SCN4B: variants seen among roughly 807,000 people sequenced by gnomAD.
SCN4B encodes the protein sodium channel regulatory subunit beta-4.
SCN4B carries 20 observed loss-of-function variants against 19.6 expected under a neutral mutation model. The ratio of observed to expected loss-of-function variants is 1.02; its 90% CI spans 0.72 to 1.48. The LOEUF (loss-of-function observed/expected upper bound fraction) is 1.48. SCN4B is among the 40% of genes most tolerant of loss of function. The pLI is 0.00. For synonymous variants in SCN4B, 127 were observed against 122.8 expected, an observed-to-expected ratio of 1.03 and a Z score of -0.22; for missense variants, 271 against 287.5, an observed-to-expected ratio of 0.94 and a Z score of 0.42.
intron 2 of SCN4B, 23 bp downstream of exon 2, chr11:118,145,034 C>T (rs763673380): frequency 1.9e-6 from 3 of 1,612,424 alleles, no homozygotes; most frequent in African/African-American, 2.7e-5. Flanking sequence ...CTGGGCTGTA[C>T]TGTTCTTCCT....
In SCN4B at chr11:118,135,165, GC is replaced by G. The variant is rs1565451668; in HGVS notation, c.*1861del. On this transcript the variant is annotated 3_prime_UTR_variant, in exon 5 of 5. Transcript: ENST00000324727. The stretch of plus-strand genomic sequence containing the variant: ...TGCTCCCAAAGCCAGGAAAATCTGA[GC>G]CCCAGCCCATGACAGGTTCTGGGTA... 2.2e-6 allele frequency: 1 copy of G among 454,132 alleles called. No individual in the cohort carries two copies. The highest frequency in any genetic ancestry group is 4.4e-6 in the Non-Finnish European group (1 of 226,796). 28.1% of individuals were successfully genotyped at this position (454,132 alleles called of 1,614,324 possible).
In SCN4B at chr11:118,133,522, G is replaced by C. The variant is rs1947946399; in HGVS notation, c.*3505C>G. 2.2e-6 allele frequency: 1 copy of C among 454,162 alleles called. No individual in the cohort carries two copies. Among genetic ancestry groups the C allele is most frequent in the Admixed American group, 2.3e-5 (1 of 42,558 alleles). 28.1% of individuals were successfully genotyped at this position (454,162 alleles called of 1,614,324 possible). A position where few individuals can be genotyped will look rare whatever the true frequency, so the allele number is the denominator to read the frequency against. ...GCTGTGTGGGCATCTGCGCCTCCCA[G>C]AGGCACTCGCACACCTGAGGCCTCC... is the stretch of plus-strand genomic sequence containing the variant. On this transcript the variant is annotated 3_prime_UTR_variant, in exon 5 of 5. Transcript: ENST00000324727.
Position 118,134,105 on chromosome 11 carries a change from T to C in SCN4B, c.*2922A>G, listed in dbSNP as rs1368451875. Reference sequence around the variant, plus strand: ...CACAAGAGCTCTGATCGGCCTGCCATATGTAGTCTGAGCCCCATCGGCTGC... The same window carrying C: ...CACAAGAGCTCTGATCGGCCTGCCACATGTAGTCTGAGCCCCATCGGCTGC... On this transcript the variant is annotated 3_prime_UTR_variant, in exon 5 of 5. Coordinates refer to ENST00000324727, the MANE Select transcript of SCN4B (RefSeq NM_174934.4). 1 of 454,428 alleles carries C rather than the reference T, an allele frequency of 2.2e-6. No homozygotes were observed. Among genetic ancestry groups the C allele is most frequent in the African/African-American group, 2.0e-5 (1 of 50,128 alleles). The allele number at this position is 454,428 out of a possible 1,614,324, so 28.1% of individuals were successfully genotyped here.
At chr11:118,143,557 G>T (rs1948127260) in intron 3 of SCN4B, among the ~76,000 whole-genome samples, 1 of 152,144 alleles carries the variant, frequency 6.6e-6, no homozygotes, top group African/African-American at 2.4e-5. Context: ...CTACCAGGTA[G>T]CTTCTCTAAC....
In SCN4B at chr11:118,141,295, C is replaced by T. The variant is rs149457565; in HGVS notation, c.505G>A (p.Val169Ile). Residue 169 changes from valine (V) to isoleucine (I), a missense_variant, in exon 4 of 5, where the codon GTC becomes ATC. Val to Ile is a conservative substitution (Grantham distance 29). Transcript: ENST00000324727. ...DNTVTLIILA[V>I]VGGVIGLLIL... The stretch of plus-strand genomic sequence containing the variant: ...AGGAGCCCGATGACCCCGCCCACGA[C>T]AGCCAGGATGATGAGTGTCACTGTG... 24 of 1,612,458 alleles carry T rather than the reference C, an allele frequency of 1.5e-5. No homozygotes were observed. The African/African-American group carries it at 2.7e-4, about 18-fold the overall frequency.
At position 118,144,176 on chromosome 11, in the gene SCN4B, A is replaced by T. The variant is rs78444823; in HGVS notation, c.235-115T>A. 4,350 of 745,952 alleles carry T rather than the reference A, an allele frequency of 5.8e-3. 138 individuals carry two copies. The African/African-American group carries it at 0.066, about 11-fold the overall frequency. The allele number at this position is 745,952 out of a possible 1,614,324, so 46.2% of individuals were successfully genotyped here. On this transcript the variant is annotated intron_variant, in intron 2 of 4. Transcript: ENST00000324727. The stretch of plus-strand genomic sequence containing the variant: ...GATGCCTCCCCTGTCCAGGACCAGG[A>T]AGAGCCTGTAGTCACGCCCTGCTCC...
intron 1 of SCN4B, among the ~76,000 whole-genome samples, chr11:118,146,303 C>G (rs927866203): frequency 6.6e-6 from 1 of 152,028 alleles, no homozygotes; most frequent in Non-Finnish European, 1.5e-5. Context: ...TCCCCGCCAC[C>G]CCGCCCCACA....
chr11:118,134,390 C>T lies in SCN4B; in HGVS notation c.*2637G>A. On this transcript the variant is annotated 3_prime_UTR_variant, in exon 5 of 5. Transcript: ENST00000324727. ...TCAGAGATTTGCATGCACTGAGGTT[C>T]CACTTGGGGAAGATAGCTTTGCCCA... 1 of 454,114 alleles carries T rather than the reference C, an allele frequency of 2.2e-6. No individual in the cohort carries two copies. Among genetic ancestry groups the T allele is most frequent in the Non-Finnish European group, 4.4e-6 (1 of 226,796 alleles). 28.1% of individuals were successfully genotyped at this position (454,114 alleles called of 1,614,324 possible). A position where few individuals can be genotyped will look rare whatever the true frequency, so the allele number is the denominator to read the frequency against.
At chr11:118,145,324 G>C (rs955917) in intron 1 of SCN4B, 95 bp from the exon 2 acceptor site, 6 of 1,579,384 alleles carry the variant, frequency 3.8e-6, no homozygotes, top group Non-Finnish European at 5.1e-6. Context: ...TGGCCAGGCA[G>C]GTAGGTCTCT....
rs866475702 is a variant in SCN4B, at chr11:118,134,954, G to C, written c.*2073C>G. 3.1e-5 allele frequency: 14 copies of C among 454,034 alleles called. No homozygotes were observed. In the Admixed American group the frequency reaches 3.3e-4, roughly 11 times the overall value. 28.1% of individuals were successfully genotyped at this position (454,034 alleles called of 1,614,324 possible). A position where few individuals can be genotyped will look rare whatever the true frequency, so the allele number is the denominator to read the frequency against. On this transcript the variant is annotated 3_prime_UTR_variant, in exon 5 of 5. Coordinates refer to ENST00000324727, the MANE Select transcript of SCN4B (RefSeq NM_174934.4). Reference sequence around the variant, plus strand: ...CTAGAAATCAGCAGTAGACCCTGGGGAGGAAAGAGAGGATGGTGCCCTTCT... The same window carrying C: ...CTAGAAATCAGCAGTAGACCCTGGGCAGGAAAGAGAGGATGGTGCCCTTCT...
At chr11:118,147,131 A>T (rs1231757993) in intron 1 of SCN4B, among the ~76,000 whole-genome samples, 1 of 152,190 alleles carries the variant, frequency 6.6e-6, no homozygotes, top group African/African-American at 2.4e-5. Flanking sequence ...GTGCGCAGGG[A>T]CCACACTTTG....
At chr11:118,141,844 C>T (rs900179166) in intron 3 of SCN4B, 1 of 170,262 alleles carries the variant, frequency 5.9e-6, no homozygotes, top group Non-Finnish European at 1.3e-5. Context: ...ATTGAACCCT[C>T]CTAGCCTCAG....
chr11:118,152,776 A>C lies in SCN4B; in HGVS notation c.-103T>G. The C allele has an allele frequency of 1.2e-6, 1 of 849,194 alleles. No individual in the cohort carries two copies. Among genetic ancestry groups the C allele is most frequent in the Non-Finnish European group, 1.7e-6 (1 of 571,856 alleles). 52.6% of individuals were successfully genotyped at this position (849,194 alleles called of 1,614,324 possible). Reference sequence around the variant, plus strand: ...GCGTTCGGCCACAAAGCTACCCCGGAGCTCTGCGCCGCCGGTCGGGGCTCG... The same window carrying C: ...GCGTTCGGCCACAAAGCTACCCCGGCGCTCTGCGCCGCCGGTCGGGGCTCG... On this transcript the variant is annotated 5_prime_UTR_variant, in exon 1 of 5. Transcript: ENST00000324727.
intron 3 of SCN4B, among the ~76,000 whole-genome samples, chr11:118,142,587 T>A (rs768190917): frequency 6.6e-6 from 1 of 152,190 alleles, no homozygotes; most frequent in South Asian, 2.1e-4. Flanking sequence ...GTAATCTCCA[T>A]AAAGGCAGGA....
At chr11:118,137,832 C>G (rs1175529428) in intron 4 of SCN4B, among the ~76,000 whole-genome samples, 1 of 152,138 alleles carries the variant, frequency 6.6e-6, no homozygotes. Flanking sequence ...ATGCTGAGGA[C>G]ACAGAGTCCC....
At chr11:118,145,406 A>C (rs893177234) in intron 1 of SCN4B, 177 bp from the exon 2 acceptor site, 45 of 1,524,840 alleles carry the variant, frequency 3.0e-5, no homozygotes, top group Middle Eastern at 2.3e-4. Context: ...ACCCTCCATC[A>C]TTCTCCATTT....
intron 4 of SCN4B, among the ~76,000 whole-genome samples, chr11:118,140,421 TA>T (rs1333099860): frequency 6.6e-6 from 1 of 152,172 alleles, no homozygotes; most frequent in Non-Finnish European, 1.5e-5. Context: ...TTTCAGCAAA[TA>T]GGGGCAGAGG....
In SCN4B at chr11:118,146,321, C is replaced by A. The variant is rs549420291; in HGVS notation, c.62-1092G>T. 9.9e-5 allele frequency among the ~76,000 whole-genome samples: 15 copies of A among 152,106 alleles called. No homozygotes were observed. The East Asian group carries it at 2.5e-3, about 26-fold the overall frequency. ...CCGCCACCCCGCCCCACACACACAC[C>A]CACCCCCAGTCCTGCAGATGCCCCA... is the stretch of plus-strand genomic sequence containing the variant. On this transcript the variant is annotated intron_variant, in intron 1 of 4. Coordinates refer to ENST00000324727, the MANE Select transcript of SCN4B (RefSeq NM_174934.4).
intron 4 of SCN4B, among the ~76,000 whole-genome samples, chr11:118,140,917 G>A (rs1565454892): frequency 6.6e-6 from 1 of 152,204 alleles, no homozygotes; most frequent in Non-Finnish European, 1.5e-5. Flanking sequence ...CAAATGGAAA[G>A]AGAGGCTAAT....
Sources: gnomAD v4.1 joint callset for allele counts (sites outside exome capture counted in the v4.1 genomes callset) on GRCh38, gnomAD v4.1.1 for gene constraint, MANE v1.5 for transcripts, NCBI Gene and HGNC (gene_info 2026-07-23, HGNC 2026-07-21) for gene names.